SHISA6: variants seen among roughly 807,000 people sequenced by gnomAD.
SHISA6 encodes protein shisa-6.
SHISA6 carries 22 observed loss-of-function variants against 47.9 expected under a neutral mutation model. That is an observed-to-expected ratio of 0.46 (90% CI 0.33 to 0.66). The LOEUF is 0.66. Among genes scored for constraint, SHISA6 ranks in the 30% least tolerant of loss-of-function variants. SHISA6 has a pLI of 0.02. For missense variants in SHISA6, 680 were observed against 764.6 expected, an observed-to-expected ratio of 0.89 and a Z score of 1.30; for synonymous variants, 388 against 337.8, an observed-to-expected ratio of 1.15 and a Z score of -1.63.
At chr17:11,324,465 C>T (rs892645115) in intron 2 of SHISA6, among the ~76,000 whole-genome samples, 1 of 152,150 alleles carries the variant, frequency 6.6e-6, no homozygotes, top group African/African-American at 2.4e-5. Context: ...GACAGGGCCC[C>T]TGACCTCGTG....
intron 2 of SHISA6, among the ~76,000 whole-genome samples, chr17:11,273,723 G>C (rs79325205): frequency 6.6e-6 from 1 of 152,086 alleles, no homozygotes; most frequent in Non-Finnish European, 1.5e-5. Flanking sequence ...TGGAGTGATG[G>C]GCAGCCTGCC....
intron 2 of SHISA6, among the ~76,000 whole-genome samples, chr17:11,271,169 C>T (rs1908635613): frequency 6.6e-6 from 1 of 151,888 alleles, no homozygotes; most frequent in Non-Finnish European, 1.5e-5. Flanking sequence ...AATATGAAAA[C>T]ATGCCCATGC....
At chr17:11,312,366 A>G (rs537319436) in intron 2 of SHISA6, among the ~76,000 whole-genome samples, 59 of 152,274 alleles carry the variant, frequency 3.9e-4, no homozygotes, top group South Asian at 8.3e-4. Context: ...AATTTTTGCT[A>G]TGTATTATTC....
At chr17:11,518,047 TTG>T (rs2071599631) in intron 3 of SHISA6, among the ~76,000 whole-genome samples, 1 of 151,954 alleles carries the variant, frequency 6.6e-6, no homozygotes, top group East Asian at 1.9e-4. Flanking sequence ...CTATGGTTCT[TTG>T]TGTCTTAGGA....
intron 3 of SHISA6, among the ~76,000 whole-genome samples, chr17:11,503,867 T>C (rs2071475855): frequency 1.3e-5 from 2 of 152,248 alleles, no homozygotes; most frequent in African/African-American, 4.8e-5. Context: ...TCAGTCTCTC[T>C]GTACTCCTTC....
intron 2 of SHISA6, among the ~76,000 whole-genome samples, chr17:11,305,884 T>C (rs189933857): frequency 1.6e-3 from 239 of 152,242 alleles, no homozygotes; most frequent in Middle Eastern, 3.4e-3. Context: ...CAGGCTCTGA[T>C]TTTATTACCA....
At chr17:11,334,997 T>C (rs1911269100) in intron 2 of SHISA6, among the ~76,000 whole-genome samples, 1 of 152,204 alleles carries the variant, frequency 6.6e-6, no homozygotes, top group South Asian at 2.1e-4. Context: ...CCTGAGACAC[T>C]TGATGTGGGA....
intron 3 of SHISA6, among the ~76,000 whole-genome samples, chr17:11,489,594 TG>T (rs1217156162): frequency 1.3e-5 from 2 of 151,896 alleles, no homozygotes; most frequent in Non-Finnish European, 2.9e-5. Context: ...GTAGGAGAGC[TG>T]AAGGGTAGGC....
intron 2 of SHISA6, among the ~76,000 whole-genome samples, chr17:11,318,836 AT>A (rs1282128225): frequency 1.3e-5 from 2 of 151,788 alleles, no homozygotes; most frequent in South Asian, 2.1e-4. Context: ...ATGACTTTGG[AT>A]TTTTTTTCAT....
At chr17:11,248,765 G>A (rs1907686788) in intron 1 of SHISA6, among the ~76,000 whole-genome samples, 1 of 152,162 alleles carries the variant, frequency 6.6e-6, no homozygotes, top group Admixed American at 6.5e-5. Flanking sequence ...GACTATTGAA[G>A]AAGGAAAATA....
chr17:11,446,755 G>C (rs1355909232), intron 3 of SHISA6, among the ~76,000 whole-genome samples: 2 of 152,126 alleles, frequency 1.3e-5, no homozygotes, highest in African/African-American at 4.8e-5. Context: ...TCCAAGGTTG[G>C]AGCCCAGAAA....
At chr17:11,532,887 T>C (rs543084705) in intron 3 of SHISA6, among the ~76,000 whole-genome samples, 43 of 152,162 alleles carry the variant, frequency 2.8e-4, no homozygotes, top group African/African-American at 1.0e-3. Context: ...ACTGGGCATA[T>C]GGTTACCTGG....
chr17:11,468,877 C>T (rs1463094388), intron 3 of SHISA6, among the ~76,000 whole-genome samples: 1 of 151,708 alleles, frequency 6.6e-6, no homozygotes, highest in Non-Finnish European at 1.5e-5. Context: ...AAAAATTAGC[C>T]AGACATGGTG....
At chr17:11,308,025 T>C (rs1419691850) in intron 2 of SHISA6, among the ~76,000 whole-genome samples, 2 of 152,118 alleles carry the variant, frequency 1.3e-5, no homozygotes, top group Non-Finnish European at 2.9e-5. Flanking sequence ...GTCTGAGCTG[T>C]TGTCCTGATG....
At chr17:11,426,664 C>G (rs532548307) in intron 3 of SHISA6, among the ~76,000 whole-genome samples, 1 of 152,154 alleles carries the variant, frequency 6.6e-6, no homozygotes, top group Non-Finnish European at 1.5e-5. Context: ...AAACTTAATA[C>G]GTCTAGATAA....
chr17:11,350,178 A>ATTTT (rs199879665), intron 2 of SHISA6, among the ~76,000 whole-genome samples: 64 of 101,150 alleles, frequency 6.3e-4, no homozygotes, highest in Middle Eastern at 4.6e-3. Flanking sequence ...TTATTTATTT[A>ATTTT]TTTATTTTTT....
At chr17:11,431,273 T>G (rs953960673) in intron 3 of SHISA6, among the ~76,000 whole-genome samples, 6 of 152,010 alleles carry the variant, frequency 3.9e-5, no homozygotes, top group African/African-American at 1.4e-4. Flanking sequence ...GTGGATACAG[T>G]CCCCTTGGTA....
At position 11,263,435 on chromosome 17, in the gene SHISA6, G is replaced by A. The variant is rs747182102; in HGVS notation, c.708G>A (p.Ser236=). 3.2e-5 allele frequency: 50 copies of A among 1,551,718 alleles called. No individual in the cohort carries two copies. Among genetic ancestry groups the A allele is most frequent in the Middle Eastern group, 1.7e-4 (1 of 6,016 alleles). The change falls in exon 2 of 6, where the codon TCG becomes TCA. Residue 236 remains serine, a synonymous_variant. Coordinates refer to ENST00000441885, the MANE Select transcript of SHISA6 (RefSeq NM_207386.4). ...CACACTGTGAAAGAGAAACTATCTC[G>A]GCTATCGATACCTCTCCCAAAGAGA... The part of the protein sequence containing the change: ...PIAHCERETI[S]AIDTSPKENT...
chr17:11,246,364 C>T (rs1197529748), intron 1 of SHISA6, among the ~76,000 whole-genome samples: 1 of 152,148 alleles, frequency 6.6e-6, no homozygotes, highest in African/African-American at 2.4e-5. Flanking sequence ...GTGGCATGCG[C>T]CTGTAGTCCC....
Sources: gnomAD v4.1 joint callset for allele counts (sites outside exome capture counted in the v4.1 genomes callset) on GRCh38, gnomAD v4.1.1 for gene constraint, MANE v1.5 for transcripts, NCBI Gene and HGNC (gene_info 2026-07-23, HGNC 2026-07-21) for gene names.